Variants in KCNQ1 observed in about 807,000 individuals in gnomAD.
The protein encoded by KCNQ1 is potassium voltage-gated channel subfamily Q member 1.
A neutral mutation model predicts 72.4 loss-of-function variants in KCNQ1; 49 were observed. That is an observed-to-expected ratio of 0.68 (90% confidence interval 0.54 to 0.86). The LOEUF is 0.86. KCNQ1 is among the 40% of genes least tolerant of loss of function. The probability of loss-of-function intolerance (pLI) is 0.00; values close to 1 mark genes in which losing one functional copy is unlikely to be tolerated. For synonymous variants in KCNQ1, 450 were observed against 412.6 expected (o/e 1.09, Z -1.10); for missense variants, 790 against 945.1 (o/e 0.84, Z 2.15).
rs988180615 is a variant in KCNQ1 at position 2,488,185 on chromosome 11, T to C, written c.387-39743T>C. The stretch of plus-strand genomic sequence containing the variant: ...TTTACATGGATTTATTTTTGTATGT[T>C]GAACCATCCTTGCATTCCAGGACTA... On this transcript the variant is annotated intron_variant, in intron 1 of 15. Transcript: ENST00000155840. This position sits in a 1 kb window ranked among gnomAD's most constrained non-coding sequence, Gnocchi z 5.1. 1.3e-5 allele frequency among the ~76,000 whole-genome samples: 2 copies of C among 152,226 alleles called. No individual in the cohort carries two copies. The highest frequency in any genetic ancestry group is 2.9e-5 in the Non-Finnish European group (2 of 68,024).
intron 10 of KCNQ1, chr11:2,656,888 T>A (rs1213484015): frequency 2.5e-6 from 1 of 398,628 alleles, no homozygotes; most frequent in Non-Finnish European, 4.4e-6. Flanking sequence ...CAAGAATGAA[T>A]TTTTGGTATA....
chr11:2,457,305 C>T lies in KCNQ1; in HGVS notation c.386+11821C>T, dbSNP rs1359402131. ...AGCAGTCCCGTGTGCTGAGTTTATA[C>T]CCAAAGAAAAATTAGTCGTTCTACC... On this transcript the variant is annotated intron_variant, in intron 1 of 15. Coordinates refer to ENST00000155840, the MANE Select transcript of KCNQ1 (RefSeq NM_000218.3). This position sits in a 1 kb window ranked among gnomAD's most constrained non-coding sequence, Gnocchi z 5.0. Among the ~76,000 whole-genome samples the T allele has an allele frequency of 6.6e-6, 1 of 152,198 alleles. No homozygotes were observed. The highest frequency in any genetic ancestry group is 2.1e-4 in the South Asian group (1 of 4,838).
At chr11:2,801,594 A>T (rs1276107542) in intron 15 of KCNQ1, among the ~76,000 whole-genome samples, 1 of 152,208 alleles carries the variant, frequency 6.6e-6, no homozygotes, top group Non-Finnish European at 1.5e-5. Context: ...CTGCCTTCAC[A>T]GTCTCCTTTA....
Position 2,659,982 on chromosome 11 carries a change from CTG to C in KCNQ1, c.1394-1976_1394-1975del. On this transcript the variant is annotated intron_variant, in intron 10 of 15. Coordinates refer to ENST00000155840, the MANE Select transcript of KCNQ1 (RefSeq NM_000218.3). This position sits in a 1 kb window ranked among gnomAD's most constrained non-coding sequence, Gnocchi z 4.3. The stretch of plus-strand genomic sequence containing the variant: ...TGATATGCAAATATTCTTTCCAAGT[CTG>C]TGCTTTGTCTTTTCATTCCATTAGC... The C allele has an allele frequency of 2.5e-6, 1 of 398,436 alleles. No individual in the cohort carries two copies. Among genetic ancestry groups the C allele is most frequent in the South Asian group, 1.3e-4 (1 of 7,846 alleles). The allele number at this position is 398,436 out of a possible 1,614,324, so 24.7% of individuals were successfully genotyped here.
intron 10 of KCNQ1, among the ~76,000 whole-genome samples, chr11:2,590,702 C>T (rs1310465976): frequency 6.6e-6 from 1 of 152,250 alleles, no homozygotes; most frequent in Non-Finnish European, 1.5e-5. Flanking sequence ...TTCCATGATT[C>T]CAAGGCATGT....
rs1848910586 is a variant in KCNQ1, at chr11:2,608,108, G to T, written c.1393+19254G>T. On this transcript the variant is annotated intron_variant, in intron 10 of 15. Coordinates refer to ENST00000155840, the MANE Select transcript of KCNQ1 (RefSeq NM_000218.3). This position sits in a 1 kb window ranked among gnomAD's most constrained non-coding sequence, Gnocchi z 4.6. ...CTTTTCATGTTTTTGTCTGGTTTTG[G>T]TGTCAGGGTGATACTGGACTGAAAG... Among the ~76,000 whole-genome samples the T allele has an allele frequency of 6.6e-6, 1 of 152,130 alleles. No individual in the cohort carries two copies. The highest frequency in any genetic ancestry group is 2.4e-5 in the African/African-American group (1 of 41,402).
intron 11 of KCNQ1, among the ~76,000 whole-genome samples, chr11:2,706,212 T>C (rs1290912332): frequency 6.6e-6 from 1 of 152,230 alleles, no homozygotes; most frequent in Non-Finnish European, 1.5e-5. Flanking sequence ...AAATAAAATA[T>C]GGAAGAAGTG....
intron 2 of KCNQ1, among the ~76,000 whole-genome samples, chr11:2,551,281 G>T (rs115902367): frequency 6.6e-6 from 1 of 152,084 alleles, no homozygotes; most frequent in Non-Finnish European, 1.5e-5. Context: ...GCCCCTCCCC[G>T]CACCTGGGAA....
chr11:2,485,264 T>C (rs1327845011), intron 1 of KCNQ1, among the ~76,000 whole-genome samples: 1 of 152,036 alleles, frequency 6.6e-6, no homozygotes, highest in Non-Finnish European at 1.5e-5. Flanking sequence ...GTGAAGGGAA[T>C]GTAAAGCTGC....
intron 10 of KCNQ1, chr11:2,634,308 T>G: frequency 4.2e-6 from 1 of 239,476 alleles, no homozygotes. Context: ...TCCTAATGCT[T>G]TCCCTCCCCC....
At chr11:2,523,721 C>T (rs12099257) in intron 1 of KCNQ1, among the ~76,000 whole-genome samples, 3,427 of 149,856 alleles carry the variant, frequency 0.023, 116 homozygotes, top group African/African-American at 0.072. Context: ...TAATTCTGTT[C>T]GCTCGCCTCT....
At position 2,627,072 on chromosome 11, in the gene KCNQ1, T is replaced by C; in HGVS notation, c.1394-34889T>C. The C allele has an allele frequency of 2.5e-6, 1 of 398,600 alleles. No individual in the cohort carries two copies. 24.7% of individuals were successfully genotyped at this position (398,600 alleles called of 1,614,324 possible). ...CCATGAACATAGGAGGTGTTTTCCC[T>C]TTATGTCTACTTTAATTTCTTTCAG... On this transcript the variant is annotated intron_variant, in intron 10 of 15. Transcript: ENST00000155840. This position sits in a 1 kb window ranked among gnomAD's most constrained non-coding sequence, Gnocchi z 4.9.
At chr11:2,524,107 C>T (rs987141827) in intron 1 of KCNQ1, among the ~76,000 whole-genome samples, 1 of 152,070 alleles carries the variant, frequency 6.6e-6, no homozygotes, top group African/African-American at 2.4e-5. Context: ...CCGGGTGAGC[C>T]CTCACTGTGA....
rs1311607951 is a variant in KCNQ1 at position 2,669,482 on chromosome 11, TTG to T, written c.1514+7403_1514+7404del. The T allele has an allele frequency of 5.0e-6, 2 of 398,536 alleles. No homozygotes were observed. The highest frequency in any genetic ancestry group is 4.1e-5 in the African/African-American group (2 of 48,638). 24.7% of individuals were successfully genotyped at this position (398,536 alleles called of 1,614,324 possible). A position where few individuals can be genotyped will look rare whatever the true frequency, so the allele number is the denominator to read the frequency against. ...TTTCAGTGTGGTGGTCATGAACAGC[TTG>T]TCAGATTCATTCCTTGTCAGCTAAT... On this transcript the variant is annotated intron_variant, in intron 11 of 15. Transcript: ENST00000155840. This position sits in a 1 kb window ranked among gnomAD's most constrained non-coding sequence, Gnocchi z 5.6.
Position 2,798,818 on chromosome 11 carries a change from T to C in KCNQ1, c.1794+20781T>C, listed in dbSNP as rs1048096265. Reference sequence around the variant, plus strand: ...AATTGTTTATAAATTGGTCGCGTTGTTTGAACTCTCGCCTCTGTGGCTCAG... The same window carrying C: ...AATTGTTTATAAATTGGTCGCGTTGCTTGAACTCTCGCCTCTGTGGCTCAG... On this transcript the variant is annotated intron_variant, in intron 15 of 15. Coordinates refer to ENST00000155840, the MANE Select transcript of KCNQ1 (RefSeq NM_000218.3). Among the ~76,000 whole-genome samples, 5 of 152,314 alleles carry C rather than the reference T, an allele frequency of 3.3e-5. No individual in the cohort carries two copies. In the East Asian group the frequency reaches 9.6e-4, roughly 29 times the overall value.
At chr11:2,733,808 A>ACACACACACT (rs1564875270) in intron 11 of KCNQ1, among the ~76,000 whole-genome samples, 1 of 63,332 alleles carries the variant, frequency 1.6e-5, no homozygotes, top group African/African-American at 7.4e-5. Context: ...ACACACACAC[A>ACACACACACT]CACACACTCT....
In KCNQ1 at chr11:2,588,845, G is replaced by A. The variant is rs776205380; in HGVS notation, c.1384G>A (p.Asp462Asn). 3 of 1,611,908 alleles carry A rather than the reference G, an allele frequency of 1.9e-6. No individual in the cohort carries two copies. In the Admixed American group the frequency reaches 5.0e-5, roughly 27 times the overall value. ...GGACCACTTCTCTGTCGACGGCTAT[G>A]ACAGTTCTGGTGAGAACCCCTCAGG... ...RLDHFSVDGY[D>N]SSVRKSPTLL... is the part of the protein sequence containing the mutation. The change falls in exon 10 of 16, where the codon GAC becomes AAC. Residue 462 changes from aspartate to asparagine, a missense_variant. Physicochemically the swap from Asp to Asn is conservative, Grantham distance 23. Around this residue, in one of 5 missense-constraint regions of KCNQ1, gnomAD observed 178 missense variants for 177.9 expected, o/e 1.00. Coordinates refer to ENST00000155840, the MANE Select transcript of KCNQ1 (RefSeq NM_000218.3). This position sits in a 1 kb window ranked among gnomAD's most constrained non-coding sequence, Gnocchi z 5.6.
At position 2,477,924 on chromosome 11, in the gene KCNQ1, C is replaced by T. The variant is rs994007747; in HGVS notation, c.386+32440C>T. Among the ~76,000 whole-genome samples, 6 of 152,160 alleles carry T rather than the reference C, an allele frequency of 3.9e-5. No homozygotes were observed. Among genetic ancestry groups the T allele is most frequent in the Non-Finnish European group, 8.8e-5 (6 of 68,034 alleles). Reference sequence around the variant, plus strand: ...GAAGGCCATCAAGGAAACCCCGTGGCAGGGGCAGGGGTTCAAAGAGCTGGT... The same window carrying T: ...GAAGGCCATCAAGGAAACCCCGTGGTAGGGGCAGGGGTTCAAAGAGCTGGT... On this transcript the variant is annotated intron_variant, in intron 1 of 15. Coordinates refer to ENST00000155840, the MANE Select transcript of KCNQ1 (RefSeq NM_000218.3). This position sits in a 1 kb window ranked among gnomAD's most constrained non-coding sequence, Gnocchi z 5.0.
chr11:2,524,351 G>C (rs1847457635), intron 1 of KCNQ1, among the ~76,000 whole-genome samples: 1 of 152,206 alleles, frequency 6.6e-6, no homozygotes, highest in Admixed American at 6.5e-5. Flanking sequence ...CCAGGCTGCA[G>C]TCCTGTGTCT....
Sources: allele counts gnomAD v4.1 joint callset (sites outside exome capture counted in the v4.1 genomes callset), GRCh38; gene constraint gnomAD v4.1.1; regional missense constraint gnomAD v4.1.1; non-coding constraint Gnocchi (gnomAD v3.1); transcripts MANE v1.5; gene names NCBI Gene and HGNC (gene_info 2026-07-23, HGNC 2026-07-21).